EXT1: variants seen among roughly 807,000 people sequenced by gnomAD.
The protein encoded by EXT1 is exostosin glycosyltransferase 1, also known as exostosin-1.
Under a neutral mutation model 82.5 loss-of-function variants are expected in EXT1, and 20 were observed. The observed-to-expected ratio is 0.24, with a 90% CI of 0.17 to 0.35. EXT1 has a LOEUF of 0.35. EXT1 is among the 10% of genes least tolerant of loss of function. The pLI is 1.00. For missense variants in EXT1, 757 were observed against 936.5 expected (o/e 0.81, Z 2.50); for synonymous variants, 348 against 350.8 (o/e 0.99, Z 0.09).
chr8:117,923,567 AT>A (rs371264318), intron 1 of EXT1, among the ~76,000 whole-genome samples: 4,048 of 150,198 alleles, frequency 0.027, 162 homozygotes, highest in African/African-American at 0.09. Flanking sequence ...AAAAAAAAAA[AT>A]ACAAAAAATT....
intron 1 of EXT1, among the ~76,000 whole-genome samples, chr8:118,015,385 G>A (rs755290577): frequency 2.0e-5 from 3 of 152,034 alleles, no homozygotes; most frequent in Non-Finnish European, 2.9e-5. Flanking sequence ...ACCATGACTC[G>A]GTTACAAATA....
intron 1 of EXT1, among the ~76,000 whole-genome samples, chr8:118,071,081 A>C (rs1321398735): frequency 6.6e-6 from 1 of 152,194 alleles, no homozygotes; most frequent in Non-Finnish European, 1.5e-5. Flanking sequence ...TAAGCTGTGA[A>C]AGTGAGAATT....
chr8:118,062,548 G>A (rs1027184804), intron 1 of EXT1, among the ~76,000 whole-genome samples: 3 of 152,170 alleles, frequency 2.0e-5, no homozygotes, highest in South Asian at 4.2e-4. Flanking sequence ...AAAGACCCCC[G>A]TCTTTTTCAC....
intron 1 of EXT1, among the ~76,000 whole-genome samples, chr8:118,063,157 T>A (rs1274424037): frequency 2.0e-5 from 3 of 152,016 alleles, no homozygotes; most frequent in Non-Finnish European, 4.4e-5. Flanking sequence ...ATTCATTTTT[T>A]AAAAAAATAG....
chr8:118,002,810 G>A (rs552529477), intron 1 of EXT1, among the ~76,000 whole-genome samples: 1 of 152,168 alleles, frequency 6.6e-6, no homozygotes, highest in South Asian at 2.1e-4. Flanking sequence ...GGGATTACAG[G>A]CGTGAGCCAC....
At chr8:118,073,723 C>G (rs896919836) in intron 1 of EXT1, among the ~76,000 whole-genome samples, 1 of 145,752 alleles carries the variant, frequency 6.9e-6, no homozygotes, top group African/African-American at 2.6e-5. Context: ...TAAGAAGGAT[C>G]CAGCACAAAT....
chr8:117,870,782 T>A (rs1454215246), intron 1 of EXT1, among the ~76,000 whole-genome samples: 1 of 150,566 alleles, frequency 6.6e-6, no homozygotes, highest in Non-Finnish European at 1.5e-5. Flanking sequence ...TGGTGTCCCG[T>A]ATCCACATCA....
intron 1 of EXT1, among the ~76,000 whole-genome samples, chr8:117,851,616 GACAC>G (rs35686154): frequency 0.058 from 8,653 of 147,918 alleles, 253 homozygotes; most frequent in East Asian, 0.12. Context: ...AATTTAGCTG[GACAC>G]ACACACACAC....
chr8:117,803,942 A>G (rs5001657), intron 10 of EXT1, among the ~76,000 whole-genome samples: 58,864 of 151,992 alleles, frequency 0.39, 11,793 homozygotes, highest in Admixed American at 0.52. Flanking sequence ...ACTGAAAATT[A>G]AATATTGTGA....
intron 1 of EXT1, among the ~76,000 whole-genome samples, chr8:118,030,449 T>G (rs78324311): frequency 0.024 from 3,673 of 151,696 alleles, 122 homozygotes; most frequent in African/African-American, 0.085. Flanking sequence ...AGATACCAGG[T>G]CTACAGTTTA....
At chr8:117,918,139 G>C (rs542138248) in intron 1 of EXT1, among the ~76,000 whole-genome samples, 1 of 152,316 alleles carries the variant, frequency 6.6e-6, no homozygotes, top group East Asian at 1.9e-4. Context: ...TAACAAAAGA[G>C]ACGTCACTAC....
At chr8:117,902,161 A>G (rs754476679) in intron 1 of EXT1, among the ~76,000 whole-genome samples, 34 of 152,088 alleles carry the variant, frequency 2.2e-4, no homozygotes, top group Admixed American at 3.9e-4. Context: ...TCTAGGGACA[A>G]TAACACGCAT....
chr8:117,930,711 G>A (rs975249759), intron 1 of EXT1, among the ~76,000 whole-genome samples: 3 of 152,212 alleles, frequency 2.0e-5, no homozygotes, highest in South Asian at 2.1e-4. Flanking sequence ...CTTGAGTAGG[G>A]GCTGGGTAAA....
chr8:117,860,720 A>C (rs1181599559), intron 1 of EXT1, among the ~76,000 whole-genome samples: 1 of 152,174 alleles, frequency 6.6e-6, no homozygotes, highest in Non-Finnish European at 1.5e-5. Context: ...CAAAATCCGG[A>C]TTTCAGGCAT....
At chr8:117,971,872 C>T (rs1814946993) in intron 1 of EXT1, among the ~76,000 whole-genome samples, 4 of 152,114 alleles carry the variant, frequency 2.6e-5, no homozygotes, top group South Asian at 4.1e-4. Context: ...CACAGAAGAC[C>T]GGGTGCGGTG....
At chr8:117,805,685 A>G (rs955550357) in intron 9 of EXT1, among the ~76,000 whole-genome samples, 1 of 152,202 alleles carries the variant, frequency 6.6e-6, no homozygotes, top group African/African-American at 2.4e-5. Context: ...TTTCCAAGCT[A>G]TCCCTGAGAT....
chr8:117,965,183 T>C lies in EXT1; in HGVS notation c.963-127982A>G, dbSNP rs537124188. Among the ~76,000 whole-genome samples, 9 of 152,306 alleles carry C rather than the reference T, an allele frequency of 5.9e-5. No homozygotes were observed. In the East Asian group the frequency reaches 1.5e-3, roughly 26 times the overall value. On this transcript the variant is annotated intron_variant, in intron 1 of 10. Coordinates refer to ENST00000378204, the MANE Select transcript of EXT1 (RefSeq NM_000127.3). ...TGAAAGACACAACCAGCGTATCCTC[T>C]GGAACTTGAAAATAAAGATAAAACA...
Position 117,830,322 on chromosome 8 carries a change from G to T in EXT1, c.1192C>A (p.Gln398Lys), listed in dbSNP as rs561006425. 2 of 1,613,992 alleles carry T rather than the reference G, an allele frequency of 1.2e-6. No homozygotes were observed. Among genetic ancestry groups the T allele is most frequent in the African/African-American group, 2.7e-5 (2 of 75,058 alleles). The change falls in exon 4 of 11, where the codon CAG (glutamine) becomes AAG (lysine). Residue 398 changes from glutamine to lysine, a missense_variant. Gln to Lys is a moderately conservative substitution (Grantham distance 53). Transcript: ENST00000378204. ...QIPSTIRSIH[Q>K]DKILALRQQT... The stretch of plus-strand genomic sequence containing the variant: ...TGTCTAAGTGCTAGGATTTTATCCT[G>T]ATGAATAGACCTGATTGTAGAAGGA...
chr8:117,936,916 ATAAC>A (rs996627104), intron 1 of EXT1, among the ~76,000 whole-genome samples: 4 of 151,792 alleles, frequency 2.6e-5, no homozygotes, highest in Non-Finnish European at 5.9e-5. Flanking sequence ...AAATAAATAA[ATAAC>A]TATGTTGAGT....
Sources: gnomAD v4.1 joint callset for allele counts (sites outside exome capture counted in the v4.1 genomes callset) on GRCh38, gnomAD v4.1.1 for gene constraint, MANE v1.5 for transcripts, NCBI Gene and HGNC (gene_info 2026-07-23, HGNC 2026-07-21) for gene names.